The following HDAC4 variants were observed in gnomAD, a reference collection of about 807,000 sequenced individuals.
The protein encoded by HDAC4 is histone deacetylase 4, also known as histone deacetylase A.
A neutral mutation model predicts 135.1 loss-of-function variants in HDAC4; 16 were observed. That is an observed-to-expected ratio of 0.12 (90% CI 0.08 to 0.18). The LOEUF (loss-of-function observed/expected upper bound fraction) is 0.18. Ranked by LOEUF, HDAC4 falls within the 10% of genes least tolerant of loss-of-function variation. HDAC4 has a pLI of 1.00. For synonymous variants in HDAC4, 685 were observed against 653.4 expected (o/e 1.05, Z -0.74); for missense variants, 1,143 against 1,511.8 (o/e 0.76, Z 4.05).
chr2:239,315,604 A>G (rs1049259799), intron 2 of HDAC4, among the ~76,000 whole-genome samples: 8 of 152,192 alleles, frequency 5.3e-5, no homozygotes, highest in African/African-American at 1.9e-4. Flanking sequence ...AAACAGAAGT[A>G]CAGACGGAAC....
In HDAC4 at chr2:239,063,820, G is replaced by C. The variant is rs185047779; in HGVS notation, c.3003+2902C>G. 2.8e-3 allele frequency among the ~76,000 whole-genome samples: 430 copies of C among 152,334 alleles called. 5 individuals carry two copies. Among genetic ancestry groups the C allele is most frequent in the African/African-American group, 9.9e-3 (413 of 41,584 alleles). On this transcript the variant is annotated intron_variant, in intron 24 of 26. Coordinates refer to ENST00000543185, the MANE Select transcript of HDAC4 (RefSeq NM_001378414.1). ...GCCACCGAACCTCCCTCCTGTCTGG[G>C]AGACCACTGGCCAGTGCCCACTTCC...
rs2051103086 is a variant in HDAC4 at position 239,285,770 on chromosome 2, G to A, written c.23-49106C>T. ...AAGGGAAACAAAAGCAACTCGAGCTGACAGGAGAGTTGAGGGCAGCGGGTG... is the reference window on the plus strand; with the variant it reads ...AAGGGAAACAAAAGCAACTCGAGCTAACAGGAGAGTTGAGGGCAGCGGGTG... On this transcript the variant is annotated intron_variant, in intron 2 of 26. Transcript: ENST00000543185. This position sits in a 1 kb window ranked among gnomAD's most constrained non-coding sequence, Gnocchi z 4.5. Among the ~76,000 whole-genome samples, 1 of 152,162 alleles carries A rather than the reference G, an allele frequency of 6.6e-6. No individual in the cohort carries two copies. Among genetic ancestry groups the A allele is most frequent in the Non-Finnish European group, 1.5e-5 (1 of 68,028 alleles).
intron 3 of HDAC4, among the ~76,000 whole-genome samples, chr2:239,192,821 C>A (rs928952727): frequency 6.6e-6 from 1 of 152,216 alleles, no homozygotes; most frequent in Admixed American, 6.5e-5. Flanking sequence ...ACACAGTCAG[C>A]ACCCATGGGT....
At chr2:239,059,811 G>A (rs2032405910) in intron 24 of HDAC4, among the ~76,000 whole-genome samples, 1 of 152,078 alleles carries the variant, frequency 6.6e-6, no homozygotes, top group Non-Finnish European at 1.5e-5. Context: ...AGCTCTCCTG[G>A]GGGCCTTGGA....
At position 239,053,569 on chromosome 2, in the gene HDAC4, AGGTTGTGCG is replaced by A; in HGVS notation, c.3112_3120del (p.Arg1038_Thr1040del). The A allele has an allele frequency of 6.2e-7, 1 of 1,613,870 alleles. No individual in the cohort carries two copies. The highest frequency in any genetic ancestry group is 1.1e-5 in the South Asian group (1 of 91,060). Reference sequence around the variant, plus strand: ...TCGATCAGAGAACGCCCCGCTGTGGAGGTTGTGCGCTGCAGGCAGCGCCAGTACTTGCCT... The same window carrying A: ...TCGATCAGAGAACGCCCCGCTGTGGACTGCAGGCAGCGCCAGTACTTGCCT... On this transcript the variant is annotated inframe_deletion, in exon 26 of 27. Transcript: ENST00000543185.
At chr2:239,228,131 G>C (rs1214471986) in intron 3 of HDAC4, among the ~76,000 whole-genome samples, 2 of 152,214 alleles carry the variant, frequency 1.3e-5, no homozygotes, top group Admixed American at 6.5e-5. Context: ...GGAAGCAAGA[G>C]TGCAAGAGAA....
chr2:239,064,063 G>A (rs770901201), intron 24 of HDAC4, among the ~76,000 whole-genome samples: 8 of 152,218 alleles, frequency 5.3e-5, no homozygotes, highest in Non-Finnish European at 8.8e-5. Context: ...AGCCTCGTAG[G>A]TTCTAAGGAA....
chr2:239,291,154 C>T (rs1218021417), intron 2 of HDAC4, among the ~76,000 whole-genome samples: 1 of 152,192 alleles, frequency 6.6e-6, no homozygotes, highest in Admixed American at 6.5e-5. Flanking sequence ...TACAATAGTC[C>T]CTGGGGTCCT....
chr2:239,198,269 C>G lies in HDAC4; in HGVS notation c.95-8192G>C, dbSNP rs555749158. Reference sequence around the variant, plus strand: ...AGTGTGAGTGGAGGCACGAAAACCACCTGCCAACTGTGGGCACAGTCTGGT... The same window carrying G: ...AGTGTGAGTGGAGGCACGAAAACCAGCTGCCAACTGTGGGCACAGTCTGGT... On this transcript the variant is annotated intron_variant, in intron 3 of 26. Coordinates refer to ENST00000543185, the MANE Select transcript of HDAC4 (RefSeq NM_001378414.1). Among the ~76,000 whole-genome samples the G allele has an allele frequency of 2.7e-4, 41 of 152,310 alleles. 1 individual carries two copies. In the South Asian group the frequency reaches 8.1e-3, roughly 30 times the overall value.
At chr2:239,289,021 G>GAGACAGTGCCTGTCAAGC (rs1352068051) in intron 2 of HDAC4, among the ~76,000 whole-genome samples, 2 of 152,224 alleles carry the variant, frequency 1.3e-5, no homozygotes, top group African/African-American at 4.8e-5. Context: ...GCCTGTCAAG[G>GAGACAGTGCCTGTCAAGC]AGACAGTGCC....
rs954299979 is a variant in HDAC4, at chr2:239,400,684, G to A, written c.-220+294C>T. ...GGCCCGCGGGCGCCGGGCCGGGGCT[G>A]CGCTTACCGCGGCGGGCGGCGGCGG... On this transcript the variant is annotated intron_variant, in intron 1 of 26. Transcript: ENST00000543185. This position sits in a 1 kb window ranked among gnomAD's most constrained non-coding sequence, Gnocchi z 4.7. The A allele has an allele frequency of 1.7e-4, 25 of 146,546 alleles. No homozygotes were observed. Among genetic ancestry groups the A allele is most frequent in the Admixed American group, 1.6e-3 (23 of 14,718 alleles). 9.1% of individuals were successfully genotyped at this position (146,546 alleles called of 1,614,324 possible). A position where few individuals can be genotyped will look rare whatever the true frequency, so the allele number is the denominator to read the frequency against.
chr2:239,379,112 C>G (rs538813542), intron 1 of HDAC4, among the ~76,000 whole-genome samples: 1 of 152,300 alleles, frequency 6.6e-6, no homozygotes, highest in African/African-American at 2.4e-5. Flanking sequence ...TCAGAAGTGA[C>G]AGGGAGCCCA....
intron 3 of HDAC4, among the ~76,000 whole-genome samples, chr2:239,229,925 G>A (rs2047442337): frequency 6.6e-6 from 1 of 152,132 alleles, no homozygotes; most frequent in Non-Finnish European, 1.5e-5. Flanking sequence ...TCTCCAGAAT[G>A]CAAATTTCCC....
chr2:239,159,447 C>T (rs867874992), intron 6 of HDAC4, among the ~76,000 whole-genome samples: 5 of 148,782 alleles, frequency 3.4e-5, no homozygotes, highest in Non-Finnish European at 6.0e-5. Context: ...CCCGCACTCA[C>T]ACCCATCTAC....
intron 2 of HDAC4, among the ~76,000 whole-genome samples, chr2:239,249,657 A>G (rs1305087482): frequency 1.3e-5 from 2 of 152,172 alleles, no homozygotes. Flanking sequence ...TTCTACAACA[A>G]CATGTATTTC....
At chr2:239,347,852 G>A (rs116551817) in intron 2 of HDAC4, among the ~76,000 whole-genome samples, 2 of 152,126 alleles carry the variant, frequency 1.3e-5, no homozygotes, top group Non-Finnish European at 2.9e-5. Flanking sequence ...TCCGTACCTC[G>A]CACCAAGATT....
chr2:239,095,966 C>T (rs1340574238), intron 16 of HDAC4, among the ~76,000 whole-genome samples: 1 of 152,146 alleles, frequency 6.6e-6, no homozygotes, highest in Non-Finnish European at 1.5e-5. Context: ...ATGTAACAGG[C>T]TCCTTTATCC....
chr2:239,219,911 T>C (rs2046855704), intron 3 of HDAC4, among the ~76,000 whole-genome samples: 1 of 152,208 alleles, frequency 6.6e-6, no homozygotes, highest in South Asian at 2.1e-4. Context: ...TGGTCAGCAC[T>C]AGATATGAAC....
chr2:239,346,634 T>A (rs200141220), intron 2 of HDAC4, among the ~76,000 whole-genome samples: 9 of 79,300 alleles, frequency 1.1e-4, no homozygotes, highest in African/African-American at 1.7e-4. Context: ...ACACACACAC[T>A]CTGTCTAAAA....
Sources: allele counts gnomAD v4.1 joint callset (sites outside exome capture counted in the v4.1 genomes callset), GRCh38; gene constraint gnomAD v4.1.1; non-coding constraint Gnocchi (gnomAD v3.1); transcripts MANE v1.5; gene names NCBI Gene and HGNC (gene_info 2026-07-23, HGNC 2026-07-21).